MSANTD3: variants seen among roughly 807,000 people sequenced by gnomAD.
MSANTD3 encodes the protein Myb/SANT DNA binding domain containing 3.
MSANTD3 carries 11 observed loss-of-function variants against 27.7 expected under a neutral mutation model. That is an observed-to-expected ratio of 0.40 (90% CI 0.25 to 0.66). The LOEUF is 0.66. MSANTD3 is among the 30% of genes least tolerant of loss of function. The pLI, the probability that MSANTD3 is intolerant of heterozygous loss-of-function variation, is 0.41. For synonymous variants in MSANTD3, 131 were observed against 127.2 expected, an observed-to-expected ratio of 1.03 and a Z score of -0.20; for missense variants, 250 against 336.5, an observed-to-expected ratio of 0.74 and a Z score of 2.01.
Position 100,450,704 on chromosome 9 carries a change from A to C in MSANTD3, c.566A>C (p.Gln189Pro). The C allele has an allele frequency of 6.2e-7, 1 of 1,614,178 alleles. No homozygotes were observed. Among genetic ancestry groups the C allele is most frequent in the Non-Finnish European group, 8.5e-7 (1 of 1,180,004 alleles). Residue 189 changes from glutamine to proline, a missense_variant, in exon 3 of 3, where the codon CAG (glutamine) becomes CCG (proline). Transcript: ENST00000395067. ...ANKNYRSKTS[Q>P]EGALKKMHEE... is the part of the protein sequence containing the mutation. ...AAAAACTACAGGAGCAAAACCTCTC[A>C]GGAAGGTGCTTTAAAAAAGATGCAT...
chr9:100,442,803 TG>T (rs1282257819), intron 2 of MSANTD3, among the ~76,000 whole-genome samples: 2 of 135,438 alleles, frequency 1.5e-5, no homozygotes, highest in African/African-American at 5.6e-5. Context: ...AGTGAGACCC[TG>T]TCTCAAAAAA....
At chr9:100,427,858 C>T (rs1211867038) in intron 1 of MSANTD3, among the ~76,000 whole-genome samples, 1 of 152,150 alleles carries the variant, frequency 6.6e-6, no homozygotes, top group Non-Finnish European at 1.5e-5. Context: ...AGGATGAAGG[C>T]CGAGCATCAC....
At chr9:100,437,062 C>T (rs1390819990) in intron 1 of MSANTD3, among the ~76,000 whole-genome samples, 1 of 152,184 alleles carries the variant, frequency 6.6e-6, no homozygotes, top group African/African-American at 2.4e-5. Context: ...GCCTCGGCCT[C>T]CCAAAGTGCT....
At position 100,451,519 on chromosome 9, in the gene MSANTD3, C is replaced by T. The variant is rs1230106938; in HGVS notation, c.*553C>T. ...GTGTCATCCTCTGAGTATGGATTTT[C>T]TGTTTTTAAACAGCCCAAAGTTTAG... On this transcript the variant is annotated 3_prime_UTR_variant, in exon 3 of 3. Transcript: ENST00000395067. 1 of 151,754 alleles carries T rather than the reference C, an allele frequency of 6.6e-6. No individual in the cohort carries two copies. The highest frequency in any genetic ancestry group is 1.5e-5 in the Non-Finnish European group (1 of 67,942). The allele number at this position is 151,754 out of a possible 1,614,324, so 9.4% of individuals were successfully genotyped here. A position where few individuals can be genotyped will look rare whatever the true frequency, so the allele number is the denominator to read the frequency against.
chr9:100,443,380 CAA>C (rs771504197), intron 2 of MSANTD3, among the ~76,000 whole-genome samples: 1 of 145,798 alleles, frequency 6.9e-6, no homozygotes, highest in African/African-American at 2.5e-5. Flanking sequence ...GCGTAGGCAA[CAA>C]GAGCAAAACT....
chr9:100,449,235 C>G (rs559542092), intron 2 of MSANTD3: 4 of 985,208 alleles, frequency 4.1e-6, no homozygotes, highest in Admixed American at 6.2e-5. Flanking sequence ...TGTTACTGCT[C>G]TAATAAAAAA....
intron 1 of MSANTD3, among the ~76,000 whole-genome samples, chr9:100,434,903 C>T (rs976067411): frequency 6.6e-6 from 1 of 152,060 alleles, no homozygotes; most frequent in Non-Finnish European, 1.5e-5. Flanking sequence ...GAGTTCATTA[C>T]ATATTTGTTG....
At chr9:100,428,881 G>A (rs1564245565) in intron 1 of MSANTD3, among the ~76,000 whole-genome samples, 1 of 152,148 alleles carries the variant, frequency 6.6e-6, no homozygotes, top group Admixed American at 6.5e-5. Context: ...TTTGGGTTTA[G>A]AATGGGGAGA....
intron 1 of MSANTD3, among the ~76,000 whole-genome samples, chr9:100,439,340 A>T (rs1161332546): frequency 6.6e-6 from 1 of 152,190 alleles, no homozygotes; most frequent in Non-Finnish European, 1.5e-5. Context: ...AAATTAGTGT[A>T]CTGTAAACTT....
At chr9:100,437,744 T>C (rs1052719451) in intron 1 of MSANTD3, among the ~76,000 whole-genome samples, 2 of 152,236 alleles carry the variant, frequency 1.3e-5, no homozygotes, top group Non-Finnish European at 2.9e-5. Flanking sequence ...TCTGAGCATT[T>C]GCTTTTAAGA....
intron 1 of MSANTD3, among the ~76,000 whole-genome samples, chr9:100,439,396 A>C (rs947375676): frequency 6.6e-6 from 1 of 152,240 alleles, no homozygotes; most frequent in Non-Finnish European, 1.5e-5. Context: ...TGGAATTTTA[A>C]AACATAACAA....
chr9:100,436,889 C>G (rs967411159), intron 1 of MSANTD3, among the ~76,000 whole-genome samples: 4 of 152,166 alleles, frequency 2.6e-5, no homozygotes, highest in African/African-American at 9.7e-5. Context: ...ACTGCAACCT[C>G]CGCCTCCCAG....
intron 1 of MSANTD3, among the ~76,000 whole-genome samples, chr9:100,431,301 C>CT (rs34098873): frequency 0.012 from 1,526 of 128,588 alleles, 21 homozygotes; most frequent in Middle Eastern, 0.027. Flanking sequence ...CATGCCTAGC[C>CT]TTTTTTTTTT....
rs138774640 is a variant in MSANTD3, at chr9:100,440,585, G to A, written c.-33-1321G>A. Among the ~76,000 whole-genome samples, 138 of 144,992 alleles carry A rather than the reference G, an allele frequency of 9.5e-4. 3 individuals carry two copies. The East Asian group carries it at 0.019, about 20-fold the overall frequency. On this transcript the variant is annotated intron_variant, in intron 1 of 2. Transcript: ENST00000395067. ...GTACATGCCACAGAGTGATGAAAAC[G>A]TCAAATTTTTTTTTTTTTTTTTTTG...
intron 1 of MSANTD3, among the ~76,000 whole-genome samples, chr9:100,437,706 C>G (rs147224052): frequency 2.1e-4 from 32 of 152,268 alleles, no homozygotes; most frequent in Non-Finnish European, 4.3e-4. Flanking sequence ...AGTTAATAGG[C>G]TATTAATGGT....
intron 1 of MSANTD3, among the ~76,000 whole-genome samples, chr9:100,439,310 G>A (rs1836548011): frequency 6.6e-6 from 1 of 152,034 alleles, no homozygotes; most frequent in Non-Finnish European, 1.5e-5. Flanking sequence ...TGAGTAGCCG[G>A]CTTGAAATAG....
intron 1 of MSANTD3, among the ~76,000 whole-genome samples, chr9:100,434,784 T>G (rs1836442430): frequency 6.6e-6 from 1 of 152,302 alleles, no homozygotes; most frequent in East Asian, 1.9e-4. Context: ...TCAGCGTGCC[T>G]CTCATTTTAG....
At chr9:100,441,808 TTC>T in intron 1 of MSANTD3, 96 bp from the exon 2 acceptor site, 1 of 1,323,820 alleles carries the variant, frequency 7.6e-7, no homozygotes, top group South Asian at 1.6e-5. Context: ...AGTACTGTAT[TTC>T]AGACAAGGGA....
intron 1 of MSANTD3, among the ~76,000 whole-genome samples, chr9:100,437,686 A>G (rs1317979957): frequency 1.3e-5 from 2 of 152,246 alleles, no homozygotes; most frequent in East Asian, 1.9e-4. Context: ...TAGTGATTAA[A>G]TAACAGTTTA....
Sources: allele counts gnomAD v4.1 joint callset (sites outside exome capture counted in the v4.1 genomes callset), GRCh38; gene constraint gnomAD v4.1.1; transcripts MANE v1.5; gene names NCBI Gene and HGNC (gene_info 2026-07-23, HGNC 2026-07-21).